The following LDB3 variants were observed in gnomAD, a reference collection of about 807,000 sequenced individuals.
The protein encoded by LDB3 is LIM domain-binding protein 3.
A neutral mutation model predicts 69.0 loss-of-function variants in LDB3; 49 were observed. The observed-to-expected ratio is 0.71, with a 90% CI of 0.56 to 0.90. LDB3 has a LOEUF of 0.90. Among genes scored for constraint, LDB3 ranks in the 40% least tolerant of loss-of-function variants. The probability of loss-of-function intolerance (pLI) is 0.00; values close to 1 mark genes in which losing one functional copy is unlikely to be tolerated. For synonymous variants in LDB3, 387 were observed against 396.2 expected, an observed-to-expected ratio of 0.98 and a Z score of 0.28; for missense variants, 928 against 974.1, an observed-to-expected ratio of 0.95 and a Z score of 0.63.
At chr10:86,728,828 C>T (rs1419160036) in intron 13 of LDB3, among the ~76,000 whole-genome samples, 4 of 152,052 alleles carry the variant, frequency 2.6e-5, no homozygotes, top group East Asian at 1.9e-4. Context: ...GAGCCACCCA[C>T]CTCGGCCTCC....
chr10:86,704,831 C>A (rs1013289270), intron 7 of LDB3, among the ~76,000 whole-genome samples: 4 of 151,952 alleles, frequency 2.6e-5, no homozygotes, highest in Non-Finnish European at 4.4e-5. Flanking sequence ...ATCCGCCCAC[C>A]TCGGCCTCCC....
chr10:86,697,473 G>A (rs11202129), intron 7 of LDB3, among the ~76,000 whole-genome samples: 1,921 of 150,794 alleles, frequency 0.013, 35 homozygotes, highest in African/African-American at 0.044. Context: ...CACCAGCCTC[G>A]GTCTCCCAAA....
At chr10:86,704,732 C>T (rs911200185) in intron 7 of LDB3, among the ~76,000 whole-genome samples, 5 of 152,184 alleles carry the variant, frequency 3.3e-5, no homozygotes, top group Admixed American at 2.6e-4. Context: ...GCACCCACCA[C>T]CACGCCTGGC....
chr10:86,719,081 T>C (rs931438335), intron 12 of LDB3, among the ~76,000 whole-genome samples: 6 of 152,114 alleles, frequency 3.9e-5, no homozygotes, highest in Admixed American at 3.9e-4. Context: ...AGGTGCAGAG[T>C]CTATAGCTTA....
In LDB3 at chr10:86,672,253, G is replaced by A. The variant is rs376202103; in HGVS notation, c.93+3469G>A. Among the ~76,000 whole-genome samples the A allele has an allele frequency of 3.3e-5, 5 of 152,364 alleles. No homozygotes were observed. The East Asian group carries it at 5.8e-4, about 18-fold the overall frequency. ...TGGTGGAGTCGGGGGCTGAGCCTGGGCCCAGGAGGGGCCTGCCTGTCTACT... is the reference window on the plus strand; with the variant it reads ...TGGTGGAGTCGGGGGCTGAGCCTGGACCCAGGAGGGGCCTGCCTGTCTACT... On this transcript the variant is annotated intron_variant, in intron 2 of 13. Coordinates refer to ENST00000361373, the MANE Select transcript of LDB3 (RefSeq NM_007078.3).
intron 7 of LDB3, among the ~76,000 whole-genome samples, chr10:86,702,358 CAT>C (rs1846292384): frequency 6.6e-6 from 1 of 152,150 alleles, no homozygotes. Context: ...GACATAATAT[CAT>C]AGTTATCAAT....
chr10:86,682,339 G>A (rs146447658), intron 5 of LDB3, among the ~76,000 whole-genome samples: 148 of 152,284 alleles, frequency 9.7e-4, no homozygotes, highest in Non-Finnish European at 1.7e-3. Context: ...TGGCAGTGGC[G>A]TGCAGGGAGC....
chr10:86,678,485 G>A (rs566937542), intron 2 of LDB3, among the ~76,000 whole-genome samples: 5 of 150,734 alleles, frequency 3.3e-5, no homozygotes, highest in East Asian at 2.0e-4. Flanking sequence ...GACTACAGGC[G>A]CCCACCACCA....
In LDB3 at chr10:86,692,531, A is replaced by C; in HGVS notation, c.860-4A>C. On this transcript the variant is annotated splice_region_variant and splice_polypyrimidine_tract_variant and intron_variant, in intron 6 of 13. Transcript: ENST00000361373. ...TCCCCTGACCAGCTCCTTTCTACCA[A>C]CAGTGCAAGACCCTGATGAAGAAGC... 1.2e-6 allele frequency: 2 copies of C among 1,614,070 alleles called. No homozygotes were observed. Among genetic ancestry groups the C allele is most frequent in the South Asian group, 2.2e-5 (2 of 91,072 alleles).
chr10:86,721,264 C>T (rs1847076830), intron 12 of LDB3, among the ~76,000 whole-genome samples: 1 of 152,208 alleles, frequency 6.6e-6, no homozygotes, highest in Non-Finnish European at 1.5e-5. Flanking sequence ...AAAATAGTAG[C>T]TATCCTAACG....
Position 86,699,142 on chromosome 10 carries a change from G to T in LDB3, c.896+6571G>T. On this transcript the variant is annotated intron_variant, in intron 7 of 13. Transcript: ENST00000361373. This position sits in a 1 kb window ranked among gnomAD's most constrained non-coding sequence, Gnocchi z 4.9. ...TCCAAGCCCGTTCCCTCCCTCCCAT[G>T]CCCTCTGCCCCACCTGTTAGACAGG... 11 of 999,558 alleles carry T rather than the reference G, an allele frequency of 1.1e-5. No individual in the cohort carries two copies. Among genetic ancestry groups the T allele is most frequent in the Non-Finnish European group, 1.6e-5 (10 of 642,208 alleles). 61.9% of individuals were successfully genotyped at this position (999,558 alleles called of 1,614,324 possible).
chr10:86,700,380 T>C (rs929025301), intron 7 of LDB3, among the ~76,000 whole-genome samples: 2 of 152,144 alleles, frequency 1.3e-5, no homozygotes, highest in East Asian at 3.8e-4. Flanking sequence ...GACTGAGCCA[T>C]TGTCCTGCCC....
chr10:86,679,540 C>G (rs1038952843), intron 3 of LDB3, 22 bp downstream of exon 3: 29 of 1,612,872 alleles, frequency 1.8e-5, no homozygotes, highest in Non-Finnish European at 2.3e-5. Context: ...CTCTCCAGAG[C>G]AGGGGGCGGA....
chr10:86,675,571 C>A (rs538501346), intron 2 of LDB3, among the ~76,000 whole-genome samples: 32 of 152,346 alleles, frequency 2.1e-4, no homozygotes, highest in Non-Finnish European at 3.8e-4. Flanking sequence ...CGTGAGAGAG[C>A]CTTGCTGTGG....
chr10:86,725,323 A>G (rs567215802), intron 12 of LDB3, among the ~76,000 whole-genome samples: 1 of 152,244 alleles, frequency 6.6e-6, no homozygotes, highest in East Asian at 1.9e-4. Flanking sequence ...TTGAGTCTCA[A>G]TTTTCTCATC....
Position 86,680,072 on chromosome 10 carries a change from G to T in LDB3, c.246-10G>T. 3.1e-6 allele frequency: 5 copies of T among 1,613,738 alleles called. No individual in the cohort carries two copies. The highest frequency in any genetic ancestry group is 4.2e-6 in the Non-Finnish European group (5 of 1,179,632). On this transcript the variant is annotated splice_polypyrimidine_tract_variant and intron_variant, in intron 3 of 13. Transcript: ENST00000361373. ...ACTTCCTCACCTGGTCTCATTTCTGGTTTCTACAGATCAAAGCGTCCCATT... is the reference window on the plus strand; with the variant it reads ...ACTTCCTCACCTGGTCTCATTTCTGTTTTCTACAGATCAAAGCGTCCCATT...
At chr10:86,674,900 G>A (rs1267292446) in intron 2 of LDB3, among the ~76,000 whole-genome samples, 1 of 152,112 alleles carries the variant, frequency 6.6e-6, no homozygotes, top group Non-Finnish European at 1.5e-5. Flanking sequence ...CTCCTGAGGT[G>A]GGGTGAAGGC....
At chr10:86,687,257 G>A (rs1265289677) in intron 5 of LDB3, 2 of 1,614,156 alleles carry the variant, frequency 1.2e-6, no homozygotes, top group South Asian at 2.2e-5. Flanking sequence ...CAAGCCCAAG[G>A]CAGTGACTTC....
At chr10:86,721,811 T>G (rs1417782531) in intron 12 of LDB3, among the ~76,000 whole-genome samples, 2 of 152,242 alleles carry the variant, frequency 1.3e-5, no homozygotes, top group Non-Finnish European at 2.9e-5. Flanking sequence ...TTGGGAACCA[T>G]TGCTCTAGAA....
Sources: allele counts gnomAD v4.1 joint callset (sites outside exome capture counted in the v4.1 genomes callset), GRCh38; gene constraint gnomAD v4.1.1; non-coding constraint Gnocchi (gnomAD v3.1); transcripts MANE v1.5; gene names NCBI Gene and HGNC (gene_info 2026-07-23, HGNC 2026-07-21).